Variants in DPH6 observed in about 807,000 individuals in gnomAD.
DPH6 encodes the protein diphthamine biosynthesis 6.
DPH6 carries 33 observed loss-of-function variants against 38.2 expected under a neutral mutation model. The observed-to-expected ratio is 0.86, with a 90% confidence interval of 0.65 to 1.15. DPH6 has a LOEUF of 1.15. Ranked by LOEUF, DPH6 falls within the 50% of genes most tolerant of loss-of-function variation. DPH6 has a pLI of 0.00. For synonymous variants in DPH6, 108 were observed against 103.0 expected (o/e 1.05, Z -0.30); for missense variants, 325 against 320.0 (o/e 1.02, Z -0.12).
chr15:35,231,124 T>A (rs886624206), intron 3 of DPH6, among the ~76,000 whole-genome samples: 8 of 152,204 alleles, frequency 5.3e-5, no homozygotes, highest in Admixed American at 3.9e-4. Context: ...CTTTCAAGTT[T>A]ATTTGGAGCC....
intron 3 of DPH6, among the ~76,000 whole-genome samples, chr15:35,472,409 C>T (rs1817182088): frequency 6.6e-6 from 1 of 152,142 alleles, no homozygotes; most frequent in African/African-American, 2.4e-5. Context: ...GGCAGGTCAG[C>T]AACAGCAATG....
intron 3 of DPH6, among the ~76,000 whole-genome samples, chr15:35,325,018 T>A (rs2052270297): frequency 6.6e-6 from 1 of 152,086 alleles, no homozygotes; most frequent in Non-Finnish European, 1.5e-5. Flanking sequence ...GTGCAAAAAA[T>A]CACAATAAGA....
chr15:35,445,034 A>G (rs1424517470), intron 5 of DPH6, among the ~76,000 whole-genome samples: 1 of 152,218 alleles, frequency 6.6e-6, no homozygotes, highest in East Asian at 1.9e-4. Context: ...TGAGATTGTC[A>G]TTTGGTATAT....
intron 3 of DPH6, among the ~76,000 whole-genome samples, chr15:35,510,890 T>G (rs1422227619): frequency 6.6e-6 from 1 of 152,076 alleles, no homozygotes; most frequent in Non-Finnish European, 1.5e-5. Flanking sequence ...ACAAATTAGG[T>G]TTTAAAAGAA....
intron 3 of DPH6, chr15:35,282,849 G>A: frequency 2.9e-6 from 1 of 340,178 alleles, no homozygotes. Context: ...GCCTGGTTGT[G>A]GGCCAGCTTA....
At chr15:35,386,764 G>T (rs1401149352) in intron 6 of DPH6, among the ~76,000 whole-genome samples, 2 of 150,628 alleles carry the variant, frequency 1.3e-5, no homozygotes, top group Non-Finnish European at 1.5e-5. Flanking sequence ...TGAGTAGGTT[G>T]CAAAAATTTT....
At chr15:35,463,968 T>A (rs1456941334) in intron 3 of DPH6, among the ~76,000 whole-genome samples, 1 of 151,902 alleles carries the variant, frequency 6.6e-6, no homozygotes, top group Non-Finnish European at 1.5e-5. Context: ...TAAAATCTAG[T>A]GATAAGAAAT....
At chr15:35,264,595 T>A (rs1440652384) in intron 3 of DPH6, among the ~76,000 whole-genome samples, 1 of 152,196 alleles carries the variant, frequency 6.6e-6, no homozygotes, top group Non-Finnish European at 1.5e-5. Flanking sequence ...AGCTCTTGTA[T>A]CTCCCAATCA....
intron 3 of DPH6, among the ~76,000 whole-genome samples, chr15:35,254,682 T>A (rs1381943924): frequency 6.6e-6 from 1 of 152,264 alleles, no homozygotes; most frequent in East Asian, 1.9e-4. Flanking sequence ...TGCGCGTCCG[T>A]GTGAAGAGAC....
At chr15:35,296,084 C>A (rs1245616958) in intron 3 of DPH6, among the ~76,000 whole-genome samples, 1 of 151,906 alleles carries the variant, frequency 6.6e-6, no homozygotes, top group South Asian at 2.1e-4. Context: ...GGACTATAGG[C>A]GCCCGCTACC....
intron 3 of DPH6, among the ~76,000 whole-genome samples, chr15:35,504,543 A>G (rs1191615845): frequency 6.6e-6 from 1 of 151,962 alleles, no homozygotes. Flanking sequence ...GTTACTCATA[A>G]TCTAGACTAT....
chr15:35,279,085 A>ATATATATATATATATATATATATATAT (rs2051880208), intron 3 of DPH6, among the ~76,000 whole-genome samples: 2 of 145,418 alleles, frequency 1.4e-5, no homozygotes, highest in African/African-American at 5.2e-5. Flanking sequence ...ATATATATAT[A>ATATATATATATATATATATATATATAT]ATTTTGGAGC....
At chr15:35,179,355 C>T in the DPH6 span, among the ~76,000 whole-genome samples, 7 of 151,144 alleles carry the variant, frequency 4.6e-5, no homozygotes, top group Non-Finnish European at 5.9e-5. Flanking sequence ...GAAATGTCCA[C>T]AAGAAAATAA....
At chr15:35,538,144 A>G (rs535968462) in intron 3 of DPH6, 130 bp downstream of exon 3, 1 of 797,808 alleles carries the variant, frequency 1.3e-6, no homozygotes, top group South Asian at 4.1e-5. Flanking sequence ...AACCAAAAAA[A>G]GACAAAATCC....
At chr15:35,360,763 T>C (rs2052607523) in intron 3 of DPH6, among the ~76,000 whole-genome samples, 1 of 150,608 alleles carries the variant, frequency 6.6e-6, no homozygotes, top group Admixed American at 6.6e-5. Flanking sequence ...ATTGGGGGCA[T>C]AGATGGGTGT....
rs1555398558 is a variant in DPH6, at chr15:35,397,913, AC to A, written c.567+12921del. ...CACACACACACACACACACACACAC[AC>A]AAGATTCTGAGACCTCTAGCTATTT... is the stretch of plus-strand genomic sequence containing the variant. On this transcript the variant is annotated intron_variant, in intron 6 of 8. Coordinates refer to ENST00000256538, the MANE Select transcript of DPH6 (RefSeq NM_080650.4). Among the ~76,000 whole-genome samples, 75 of 151,422 alleles carry A rather than the reference AC, an allele frequency of 5.0e-4. 1 individual carries two copies. Among genetic ancestry groups the A allele is most frequent in the South Asian group, 3.2e-3 (15 of 4,680 alleles).
At chr15:35,299,261 A>C in intron 3 of DPH6, 1 of 1,090,556 alleles carries the variant, frequency 9.2e-7, no homozygotes, top group African/African-American at 1.5e-5. Context: ...CGGTCATCTG[A>C]GGAGCCACCT....
intron 3 of DPH6, chr15:35,282,560 C>A: frequency 1.8e-5 from 5 of 280,372 alleles, no homozygotes; most frequent in South Asian, 1.6e-4. Context: ...CTGTGCCAAC[C>A]CTTCAGATCT....
At chr15:35,194,586 AAC>A in the DPH6 span, among the ~76,000 whole-genome samples, 7 of 152,228 alleles carry the variant, frequency 4.6e-5, no homozygotes, top group Non-Finnish European at 4.4e-5. Context: ...TTTTTGTTTT[AAC>A]ACAATGCACA....
Sources: gnomAD v4.1 joint callset for allele counts (sites outside exome capture counted in the v4.1 genomes callset) on GRCh38, gnomAD v4.1.1 for gene constraint, MANE v1.5 for transcripts, NCBI Gene and HGNC (gene_info 2026-07-23, HGNC 2026-07-21) for gene names.